Variants in LYST observed in about 807,000 individuals in gnomAD.
LYST encodes lysosomal trafficking regulator, also known as lysosomal-trafficking regulator.
Under a neutral mutation model 413.6 loss-of-function variants are expected in LYST, and 192 were observed. That is an observed-to-expected ratio of 0.46 (90% confidence interval 0.41 to 0.52). LYST has a LOEUF of 0.52. LYST is among the 20% of genes least tolerant of loss of function. The pLI is 0.00. For synonymous variants in LYST, 1,525 were observed against 1,567.3 expected (o/e 0.97, Z 0.64); for missense variants, 3,815 against 4,499.9 (o/e 0.85, Z 4.35).
chr1:235,680,429 AT>A (rs111680478), intron 48 of LYST, among the ~76,000 whole-genome samples: 8,295 of 145,796 alleles, frequency 0.057, 706 homozygotes, highest in African/African-American at 0.19. Flanking sequence ...TACTTTTTAA[AT>A]TTTTTTTTTT....
At chr1:235,859,559 C>T (rs1679626379) in intron 1 of LYST, among the ~76,000 whole-genome samples, 1 of 147,834 alleles carries the variant, frequency 6.8e-6, no homozygotes, top group South Asian at 2.2e-4. Flanking sequence ...GGAAATAAAA[C>T]AGCTAATTCC....
Position 235,733,871 on chromosome 1 carries a change from A to G in LYST, c.8571T>C (p.Asn2857=). Residue 2857 remains asparagine, a synonymous_variant, in exon 33 of 53, where the codon AAT becomes AAC. Coordinates refer to ENST00000389793, the MANE Select transcript of LYST (RefSeq NM_000081.4). ...QKKYETEEGV[N]KAAWQKTVNN... ...TAACTGTTTTCTGCCAAGCAGCTTT[A>G]TTCACTCCTTCTTCAGTTTCATATT... 6.2e-7 allele frequency: 1 copy of G among 1,600,192 alleles called. No individual in the cohort carries two copies. The highest frequency in any genetic ancestry group is 8.6e-7 in the Non-Finnish European group (1 of 1,167,642).
chr1:235,849,619 T>C (rs1269890178), intron 1 of LYST, among the ~76,000 whole-genome samples: 1 of 151,948 alleles, frequency 6.6e-6, no homozygotes. Context: ...TTGAAAACCC[T>C]AAGGACTCCT....
At chr1:235,721,724 T>C (rs1261497538) in intron 39 of LYST, among the ~76,000 whole-genome samples, 1 of 152,066 alleles carries the variant, frequency 6.6e-6, no homozygotes, top group African/African-American at 2.4e-5. Flanking sequence ...AGTTTGCCAA[T>C]TGTTAGCGCT....
intron 2 of LYST, among the ~76,000 whole-genome samples, chr1:235,831,383 G>A (rs546167567): frequency 6.6e-6 from 1 of 152,214 alleles, no homozygotes; most frequent in African/African-American, 2.4e-5. Flanking sequence ...AAGAGGAACT[G>A]GACTAATCAG....
chr1:235,768,186 C>T (rs1204420405), intron 20 of LYST, among the ~76,000 whole-genome samples: 3 of 152,078 alleles, frequency 2.0e-5, no homozygotes, highest in Non-Finnish European at 2.9e-5. Flanking sequence ...AACTACAAAA[C>T]TTACAAGGTT....
chr1:235,777,056 T>C lies in LYST; in HGVS notation c.5460+7A>G, dbSNP rs1482849570. The C allele has an allele frequency of 1.9e-6, 3 of 1,612,798 alleles. No individual in the cohort carries two copies. The highest frequency in any genetic ancestry group is 2.5e-6 in the Non-Finnish European group (3 of 1,179,092). ...CTTTAGACAAAACTATAAGCAGTGA[T>C]TCTTACCCTGGCAAAGAGAAAAACA... is the stretch of plus-strand genomic sequence containing the variant. On this transcript the variant is annotated splice_region_variant and intron_variant, in intron 17 of 52. Transcript: ENST00000389793.
At chr1:235,805,025 T>C (rs768594290) in intron 6 of LYST, among the ~76,000 whole-genome samples, 3 of 152,152 alleles carry the variant, frequency 2.0e-5, no homozygotes, top group African/African-American at 4.8e-5. Flanking sequence ...CAGGATTTTT[T>C]AGAGATAAGG....
At chr1:235,843,304 A>G (rs961172445) in intron 1 of LYST, among the ~76,000 whole-genome samples, 18 of 152,230 alleles carry the variant, frequency 1.2e-4, no homozygotes, top group African/African-American at 4.3e-4. Context: ...AGCTCATTCT[A>G]TTTTCACTAT....
chr1:235,670,058 A>G (rs1306743801), intron 50 of LYST, among the ~76,000 whole-genome samples: 1 of 152,330 alleles, frequency 6.6e-6, no homozygotes, highest in East Asian at 1.9e-4. Context: ...TGCTCTGTAC[A>G]CAGGCCCCAC....
At chr1:235,789,926 T>C (rs551377615) in intron 12 of LYST, among the ~76,000 whole-genome samples, 5 of 152,144 alleles carry the variant, frequency 3.3e-5, no homozygotes, top group Non-Finnish European at 7.4e-5. Context: ...AAGGTAAATA[T>C]ATATAGGGTG....
At chr1:235,869,870 T>C (rs1184628020), upstream of LYST, among the ~76,000 whole-genome samples, 1 of 152,148 alleles carries the variant, frequency 6.6e-6, no homozygotes, top group Non-Finnish European at 1.5e-5. Context: ...TTCTTTACTG[T>C]TTACCAAACA....
intron 47 of LYST, among the ~76,000 whole-genome samples, chr1:235,692,547 A>AT (rs921047769): frequency 2.0e-5 from 3 of 151,300 alleles, no homozygotes; most frequent in Admixed American, 6.6e-5. Context: ...TGCCTGGCTA[A>AT]TTTTTTTTGT....
chr1:235,742,957 C>G (rs1558177434), intron 30 of LYST, among the ~76,000 whole-genome samples: 1 of 152,038 alleles, frequency 6.6e-6, no homozygotes, highest in African/African-American at 2.4e-5. Context: ...TGTTATAACT[C>G]TTGTTTTACT....
At chr1:235,826,299 T>G (rs935248285) in intron 3 of LYST, among the ~76,000 whole-genome samples, 3 of 152,168 alleles carry the variant, frequency 2.0e-5, no homozygotes, top group African/African-American at 7.2e-5. Flanking sequence ...CCAGGACAAA[T>G]GAAAACATAT....
chr1:235,737,921 G>GCTAGCGTGTA lies in LYST; in HGVS notation c.8359-3263_8359-3262insTACACGCTAG. 1.4e-5 allele frequency: 16 copies of GCTAGCGTGTA among 1,176,866 alleles called. No homozygotes were observed. The Admixed American group carries it at 1.7e-4, about 12-fold the overall frequency. 72.9% of individuals were successfully genotyped at this position (1,176,866 alleles called of 1,614,324 possible). A position where few individuals can be genotyped will look rare whatever the true frequency, so the allele number is the denominator to read the frequency against. On this transcript the variant is annotated intron_variant, in intron 31 of 52. Coordinates refer to ENST00000389793, the MANE Select transcript of LYST (RefSeq NM_000081.4). ...TGCTGGAGCCGCTGCCGACGAGTCT[G>GCTAGCGTGTA]GATCTCACTGCCGCGTGCCCCAACA...
intron 4 of LYST, among the ~76,000 whole-genome samples, chr1:235,812,626 G>C (rs1673579944): frequency 6.6e-6 from 1 of 151,654 alleles, no homozygotes; most frequent in African/African-American, 2.4e-5. Context: ...AATAAGCAAA[G>C]AAACTTTAAT....
chr1:235,758,846 T>C, intron 23 of LYST, 126 bp downstream of exon 23: 2 of 788,104 alleles, frequency 2.5e-6, no homozygotes, highest in Non-Finnish European at 4.2e-6. Flanking sequence ...ATTATGTATA[T>C]AAAGAAATAA....
intron 3 of LYST, among the ~76,000 whole-genome samples, chr1:235,813,949 G>C (rs1673763130): frequency 6.6e-6 from 1 of 152,226 alleles, no homozygotes; most frequent in African/African-American, 2.4e-5. Flanking sequence ...AGGGGAAGCA[G>C]TGTTAGAGGC....
Sources: allele counts gnomAD v4.1 joint callset (sites outside exome capture counted in the v4.1 genomes callset), GRCh38; gene constraint gnomAD v4.1.1; transcripts MANE v1.5; gene names NCBI Gene and HGNC (gene_info 2026-07-23, HGNC 2026-07-21).